PTS: variants seen among roughly 807,000 people sequenced by gnomAD.
PTS encodes the protein 6-pyruvoyltetrahydropterin synthase.
Under a neutral mutation model 20.6 loss-of-function variants are expected in PTS, and 23 were observed. That is an observed-to-expected ratio of 1.12 (90% confidence interval 0.80 to 1.58). The LOEUF is 1.58. PTS is among the 40% of genes most tolerant of loss of function. The probability of loss-of-function intolerance (pLI) is 0.00; values close to 1 mark genes in which losing one functional copy is unlikely to be tolerated. For missense variants in PTS, 186 were observed against 182.4 expected (o/e 1.02, Z -0.11); for synonymous variants, 65 against 62.5 (o/e 1.04, Z -0.19).
At chr11:112,229,835 C>G (rs1292011874) in intron 2 of PTS, among the ~76,000 whole-genome samples, 1 of 152,200 alleles carries the variant, frequency 6.6e-6, no homozygotes, top group Non-Finnish European at 1.5e-5. Flanking sequence ...CAGTATTGGA[C>G]CAGCTTGCTG....
Position 112,226,494 on chromosome 11 carries a change from C to G in PTS, c.51C>G (p.Arg17=), listed in dbSNP as rs1331798994. The part of the protein sequence containing the change: ...GRRCQAQVSR[R]ISFSASHRLY... Reference sequence around the variant, plus strand: ...GCTGCCAGGCACAAGTGTCCCGCCGCATCTCCTTCAGCGCGAGCCACCGAT... The same window carrying G: ...GCTGCCAGGCACAAGTGTCCCGCCGGATCTCCTTCAGCGCGAGCCACCGAT... The change falls in exon 1 of 6, where the codon CGC becomes CGG. Residue 17 remains arginine, a synonymous_variant. Transcript: ENST00000280362. 1 of 1,586,492 alleles carries G rather than the reference C, an allele frequency of 6.3e-7. No individual in the cohort carries two copies. Among genetic ancestry groups the G allele is most frequent in the Non-Finnish European group, 8.6e-7 (1 of 1,169,056 alleles).
At chr11:112,228,932 C>T (rs1238834972) in intron 2 of PTS, 1 of 483,468 alleles carries the variant, frequency 2.1e-6, no homozygotes, top group African/African-American at 1.9e-5. Context: ...TCCTAGAGTA[C>T]ACAACAAGTT....
intron 2 of PTS, among the ~76,000 whole-genome samples, chr11:112,229,847 G>A (rs1361388710): frequency 6.6e-6 from 1 of 152,210 alleles, no homozygotes; most frequent in African/African-American, 2.4e-5. Flanking sequence ...AGCTTGCTGT[G>A]TAGCTGGACA....
intron 4 of PTS, among the ~76,000 whole-genome samples, chr11:112,231,038 A>G (rs1469406367): frequency 2.8e-5 from 4 of 141,700 alleles, no homozygotes; most frequent in African/African-American, 1.1e-4. Flanking sequence ...TTTTTTTTAA[A>G]TAGGCACAGA....
At chr11:112,228,500 A>T in intron 1 of PTS, 94 bp from the exon 2 acceptor site, 3 of 1,107,264 alleles carry the variant, frequency 2.7e-6, no homozygotes, top group Non-Finnish European at 3.9e-6. Context: ...GAAACTTTTC[A>T]AAGATCAGTA....
chr11:112,226,684 C>T (rs948347044), intron 1 of PTS, among the ~76,000 whole-genome samples, 158 bp downstream of exon 1: 2 of 151,938 alleles, frequency 1.3e-5, no homozygotes, highest in Non-Finnish European at 2.9e-5. Flanking sequence ...TTCGGACGGC[C>T]TCCAGCATCC....
chr11:112,232,960 C>T (rs150402399), intron 4 of PTS, among the ~76,000 whole-genome samples: 3 of 152,282 alleles, frequency 2.0e-5, no homozygotes, highest in East Asian at 3.9e-4. Context: ...AACAAGGATT[C>T]CTAATCATTA....
chr11:112,230,493 G>GAT (rs1216520900), intron 3 of PTS, 133 bp from the exon 4 acceptor site: 3 of 885,612 alleles, frequency 3.4e-6, no homozygotes, highest in Non-Finnish European at 1.9e-6. Flanking sequence ...TGAGGTCAAT[G>GAT]ATTATCTCTG....
At chr11:112,232,005 A>G (rs1243541864) in intron 4 of PTS, among the ~76,000 whole-genome samples, 1 of 152,162 alleles carries the variant, frequency 6.6e-6, no homozygotes, top group Non-Finnish European at 1.5e-5. Context: ...CAGCAACATA[A>G]AAGGCCTCAA....
At chr11:112,231,782 A>C (rs1859934600) in intron 4 of PTS, among the ~76,000 whole-genome samples, 1 of 151,702 alleles carries the variant, frequency 6.6e-6, no homozygotes, top group African/African-American at 2.4e-5. Context: ...TGAATGAAGA[A>C]ACAGCACTAT....
intron 1 of PTS, 152 bp from the exon 2 acceptor site, chr11:112,228,442 C>T: frequency 1.5e-6 from 1 of 670,284 alleles, no homozygotes; most frequent in South Asian, 1.9e-5. Flanking sequence ...GTAATAAAAT[C>T]AACATGATTT....
intron 3 of PTS, 90 bp downstream of exon 3, chr11:112,230,320 G>A: frequency 6.9e-7 from 1 of 1,452,772 alleles, no homozygotes; most frequent in Non-Finnish European, 9.7e-7. Context: ...AACTGTTCCA[G>A]TCAGTATTGC....
chr11:112,229,862 A>T (rs2564862), intron 2 of PTS, among the ~76,000 whole-genome samples: 1 of 152,024 alleles, frequency 6.6e-6, no homozygotes, highest in African/African-American at 2.4e-5. Flanking sequence ...TGGACACCTG[A>T]AAGACATTTT....
rs778932353 is a variant in PTS, at chr11:112,233,164, A to G, written c.245A>G (p.Glu82Gly). 80 of 1,613,450 alleles carry G rather than the reference A, an allele frequency of 5.0e-5. No individual in the cohort carries two copies. Among genetic ancestry groups the G allele is most frequent in the Non-Finnish European group, 6.6e-5 (78 of 1,179,486 alleles). The change falls in exon 5 of 6, where the codon GAG becomes GGG. Residue 82 changes from glutamate (E) to glycine (G), a missense_variant and splice_region_variant. Glu to Gly is a moderately conservative substitution (Grantham distance 98, BLOSUM62 -2). Coordinates refer to ENST00000280362, the MANE Select transcript of PTS (RefSeq NM_000317.3). ...NLADLKKYME[E>G]AIMQPLDHKN... is the part of the protein sequence containing the mutation. ...ATTTTCCCTTGGTTTTGTCTCTAGGAGGCGATTATGCAGCCCCTTGATCAT... is the reference window on the plus strand; with the variant it reads ...ATTTTCCCTTGGTTTTGTCTCTAGGGGGCGATTATGCAGCCCCTTGATCAT...
rs749133827 is a variant in PTS, at chr11:112,226,497, C to G, written c.54C>G (p.Ile18Met). ...GCCAGGCACAAGTGTCCCGCCGCAT[C>G]TCCTTCAGCGCGAGCCACCGATTGT... is the stretch of plus-strand genomic sequence containing the variant. ...RRCQAQVSRR[I>M]SFSASHRLYS... The change falls in exon 1 of 6, where the codon ATC becomes ATG. Residue 18 changes from isoleucine to methionine, a missense_variant. By Grantham distance (10) the Ile-to-Met change is conservative. Transcript: ENST00000280362. 5 of 1,586,340 alleles carry G rather than the reference C, an allele frequency of 3.2e-6. No homozygotes were observed. The African/African-American group carries it at 5.4e-5, about 17-fold the overall frequency.
intron 2 of PTS, chr11:112,229,382 A>C (rs1859902171): frequency 1.3e-5 from 2 of 151,958 alleles, no homozygotes; most frequent in Admixed American, 1.3e-4. Context: ...GCACTGATAA[A>C]GTTTTTTTTT....
Position 112,230,234 on chromosome 11 carries a change from T to C in PTS, c.186+4T>C. 6.2e-7 allele frequency: 1 copy of C among 1,613,460 alleles called. No homozygotes were observed. Among genetic ancestry groups the C allele is most frequent in the South Asian group, 1.1e-5 (1 of 91,062 alleles). On this transcript the variant is annotated splice_donor_region_variant and intron_variant, in intron 3 of 5. Transcript: ENST00000280362. The stretch of plus-strand genomic sequence containing the variant: ...TGTGGTGACAGTACATGGAGAGGTA[T>C]GTGCAGAAAATATTTGTGTGGTTTT...
chr11:112,233,641 A>C lies in PTS; in HGVS notation c.*86A>C. ...CCCCTTGGAATATTAAGAGGTCAAC[A>C]CGTGATTGTTGTACGTACACATTGT... On this transcript the variant is annotated 3_prime_UTR_variant, in exon 6 of 6. Transcript: ENST00000280362. The C allele has an allele frequency of 6.3e-7, 1 of 1,591,972 alleles. No homozygotes were observed.
chr11:112,232,140 CTA>C (rs1483458081), intron 4 of PTS, among the ~76,000 whole-genome samples: 2 of 152,104 alleles, frequency 1.3e-5, no homozygotes, highest in Non-Finnish European at 2.9e-5. Context: ...AGTTAGAGCT[CTA>C]CCGTGGGGGG....
Sources: allele counts gnomAD v4.1 joint callset (sites outside exome capture counted in the v4.1 genomes callset), GRCh38; gene constraint gnomAD v4.1.1; transcripts MANE v1.5; gene names NCBI Gene and HGNC (gene_info 2026-07-23, HGNC 2026-07-21).